Variants in DIP2C observed in about 807,000 individuals in gnomAD.
DIP2C encodes the protein disco-interacting protein 2 homolog C.
DIP2C carries 33 observed loss-of-function variants against 192.4 expected under a neutral mutation model. The observed-to-expected ratio is 0.17, with a 90% CI of 0.13 to 0.23. The LOEUF is 0.23. Among genes scored for constraint, DIP2C ranks in the 10% least tolerant of loss-of-function variants. DIP2C has a pLI of 1.00. For missense variants in DIP2C, 1,537 were observed against 2,110.1 expected, an observed-to-expected ratio of 0.73 and a Z score of 5.32; for synonymous variants, 979 against 864.1, an observed-to-expected ratio of 1.13 and a Z score of -2.33.
In DIP2C at chr10:364,598, T is replaced by A. The variant is rs770921255; in HGVS notation, c.2269-16A>T. On this transcript the variant is annotated splice_polypyrimidine_tract_variant and intron_variant, in intron 19 of 36. Transcript: ENST00000280886. Reference sequence around the variant, plus strand: ...TGGGAAACACCTGGGGGAAACAGCATCCATCAGGCCACTGTTCATGTGGTC... The same window carrying A: ...TGGGAAACACCTGGGGGAAACAGCAACCATCAGGCCACTGTTCATGTGGTC... The A allele has an allele frequency of 6.2e-7, 1 of 1,611,806 alleles. No individual in the cohort carries two copies. Among genetic ancestry groups the A allele is most frequent in the African/African-American group, 1.3e-5 (1 of 75,002 alleles).
At chr10:483,565 TCTC>T (rs767100549) in intron 2 of DIP2C, among the ~76,000 whole-genome samples, 60 of 152,280 alleles carry the variant, frequency 3.9e-4, no homozygotes, top group African/African-American at 1.3e-3. Context: ...GGGCCGTCCT[TCTC>T]CTGTTTTCCT....
rs1190962953 is a variant in DIP2C at position 401,162 on chromosome 10, GC to G, written c.1150-1944del. On this transcript the variant is annotated intron_variant, in intron 9 of 36. Coordinates refer to ENST00000280886, the MANE Select transcript of DIP2C (RefSeq NM_014974.3). ...GGACAAGTTTGGTATGTGTTCATCA[GC>G]ACATGAATCCTGTGATTTTACATGT... is the stretch of plus-strand genomic sequence containing the variant. Among the ~76,000 whole-genome samples, 100 of 149,302 alleles carry G rather than the reference GC, an allele frequency of 6.7e-4. 1 individual carries two copies. The highest frequency in any genetic ancestry group is 2.3e-3 in the African/African-American group (91 of 40,388).
intron 1 of DIP2C, among the ~76,000 whole-genome samples, chr10:574,698 A>T (rs1379712897): frequency 1.3e-5 from 2 of 152,222 alleles, no homozygotes; most frequent in Non-Finnish European, 2.9e-5. Context: ...ATAACCACAG[A>T]GGTGTTTATC....
chr10:472,213 A>C (rs1379824870), intron 3 of DIP2C, among the ~76,000 whole-genome samples: 3 of 152,204 alleles, frequency 2.0e-5, no homozygotes, highest in African/African-American at 7.2e-5. Flanking sequence ...TTTAATTAAT[A>C]TGCAATTCTG....
At chr10:381,208 C>G (rs1478579054) in intron 17 of DIP2C, among the ~76,000 whole-genome samples, 7 of 152,112 alleles carry the variant, frequency 4.6e-5, no homozygotes, top group Non-Finnish European at 8.8e-5. Context: ...GCCAATTATA[C>G]AGATTATTCT....
intron 1 of DIP2C, among the ~76,000 whole-genome samples, chr10:606,398 T>G (rs1052830491): frequency 3.4e-4 from 51 of 151,304 alleles, no homozygotes; most frequent in African/African-American, 1.1e-3. Context: ...ACGGCCCCGC[T>G]GCCGTAATTA....
At chr10:540,184 T>C (rs1034222462) in intron 1 of DIP2C, among the ~76,000 whole-genome samples, 4 of 152,268 alleles carry the variant, frequency 2.6e-5, no homozygotes, top group African/African-American at 7.2e-5. Flanking sequence ...GTGCGTGTTT[T>C]AAAGTCAACA....
intron 1 of DIP2C, among the ~76,000 whole-genome samples, chr10:558,429 C>A (rs749704709): frequency 1.2e-4 from 18 of 152,256 alleles, no homozygotes; most frequent in African/African-American, 3.4e-4. Context: ...TTCAGAAATG[C>A]GTAAAGGAAG....
intron 1 of DIP2C, among the ~76,000 whole-genome samples, chr10:656,726 C>T (rs551942375): frequency 1.3e-5 from 2 of 152,210 alleles, no homozygotes; most frequent in South Asian, 2.1e-4. Context: ...TGCTGGACTC[C>T]GTGTTGAAGG....
chr10:435,913 AATT>A (rs1261618767), intron 4 of DIP2C, among the ~76,000 whole-genome samples: 1 of 152,178 alleles, frequency 6.6e-6, no homozygotes, highest in Non-Finnish European at 1.5e-5. Flanking sequence ...CTTCCAACAG[AATT>A]ATGAGAATCC....
chr10:356,414 T>A lies in DIP2C; in HGVS notation c.2985+12A>T, dbSNP rs762561370. ...AGGCCAGTAGCCAGGGAAGGCCAGCTCCGCGCCTCACCCGACAGTTGAGCA... is the reference window on the plus strand; with the variant it reads ...AGGCCAGTAGCCAGGGAAGGCCAGCACCGCGCCTCACCCGACAGTTGAGCA... On this transcript the variant is annotated intron_variant, in intron 24 of 36. Transcript: ENST00000280886. The A allele has an allele frequency of 1.7e-5, 27 of 1,610,212 alleles. 1 individual carries two copies. In the Admixed American group the frequency reaches 3.0e-4, roughly 18 times the overall value.
In DIP2C at chr10:327,026, T is replaced by C. The variant is rs975848019; in HGVS notation, c.3904A>G (p.Asn1302Asp). The change falls in exon 31 of 37, where the codon AAC (asparagine) becomes GAC (aspartate). Residue 1302 changes from asparagine (N) to aspartate (D), a missense_variant. Coordinates refer to ENST00000280886, the MANE Select transcript of DIP2C (RefSeq NM_014974.3). The part of the protein sequence containing the change: ...AVSTSFGCRV[N>D]LAICLQGTSG... ...CTCACCTGCAAGCAAATCGCCAGGT[T>C]CACCCTGCAACCGAACGAGGTGCTG... The C allele has an allele frequency of 1.9e-6, 3 of 1,613,640 alleles. No homozygotes were observed. The highest frequency in any genetic ancestry group is 2.5e-6 in the Non-Finnish European group (3 of 1,179,868).
intron 1 of DIP2C, among the ~76,000 whole-genome samples, chr10:500,311 C>T (rs77419434): frequency 1.3e-5 from 2 of 152,276 alleles, no homozygotes; most frequent in Admixed American, 6.5e-5. Flanking sequence ...AGCCACCAGC[C>T]CTTGGCTGCT....
intron 7 of DIP2C, 145 bp downstream of exon 7, chr10:415,624 C>G (rs1320100535): frequency 2.0e-5 from 22 of 1,105,640 alleles, no homozygotes; most frequent in Non-Finnish European, 2.7e-5. Context: ...GGGAACATCA[C>G]CCGCTCCCTA....
intron 17 of DIP2C, among the ~76,000 whole-genome samples, chr10:378,253 A>C (rs1961871392): frequency 6.6e-6 from 1 of 152,278 alleles, no homozygotes; most frequent in South Asian, 2.1e-4. Flanking sequence ...GTGAAAATAC[A>C]GTTCACGTAG....
intron 1 of DIP2C, among the ~76,000 whole-genome samples, chr10:618,632 C>T (rs1268998677): frequency 6.6e-6 from 1 of 152,240 alleles, no homozygotes; most frequent in Non-Finnish European, 1.5e-5. Flanking sequence ...TCATGACAGA[C>T]TTTGTTTGCT....
At chr10:545,700 T>C (rs904205084) in intron 1 of DIP2C, among the ~76,000 whole-genome samples, 3 of 152,176 alleles carry the variant, frequency 2.0e-5, no homozygotes, top group Non-Finnish European at 4.4e-5. Context: ...ACTGACAAAA[T>C]GGGTCTCACA....
chr10:355,816 C>G (rs776906211), intron 24 of DIP2C, among the ~76,000 whole-genome samples: 1 of 152,062 alleles, frequency 6.6e-6, no homozygotes, highest in Non-Finnish European at 1.5e-5. Flanking sequence ...GTGACTCACG[C>G]CTGTAATCCC....
chr10:319,192 C>T (rs1430540925), intron 31 of DIP2C, among the ~76,000 whole-genome samples: 4 of 152,120 alleles, frequency 2.6e-5, no homozygotes, highest in Admixed American at 6.5e-5. Flanking sequence ...GGATTACAGG[C>T]GTGAGCCACC....
Sources: allele counts gnomAD v4.1 joint callset (sites outside exome capture counted in the v4.1 genomes callset), GRCh38; gene constraint gnomAD v4.1.1; transcripts MANE v1.5; gene names NCBI Gene and HGNC (gene_info 2026-07-23, HGNC 2026-07-21).